Variants in CTNND2 observed in about 807,000 individuals in gnomAD.
The protein encoded by CTNND2 is catenin delta-2.
In CTNND2, 22 loss-of-function variants were observed where a neutral mutation model predicts 144.4. The observed-to-expected ratio is 0.15, with a 90% confidence interval of 0.11 to 0.22. The LOEUF is 0.22. Among genes scored for constraint, CTNND2 ranks in the 10% least tolerant of loss-of-function variants. The pLI, the probability that CTNND2 is intolerant of heterozygous loss-of-function variation, is 1.00. For synonymous variants in CTNND2, 751 were observed against 695.6 expected (o/e 1.08, Z -1.25); for missense variants, 1,353 against 1,618.8 (o/e 0.84, Z 2.82).
rs574908045 is a variant in CTNND2, at chr5:11,731,507, G to A, written c.174+629C>T. 1.4e-4 allele frequency among the ~76,000 whole-genome samples: 22 copies of A among 152,168 alleles called. No individual in the cohort carries two copies. The South Asian group carries it at 2.9e-3, about 20-fold the overall frequency. ...AGCAGTAACTAAAAGAATCTTGATC[G>A]TCCAGCTCTCTTTATTTACTACTTT... On this transcript the variant is annotated intron_variant, in intron 2 of 21. Transcript: ENST00000304623.
At chr5:11,677,565 G>A (rs1784232335) in intron 2 of CTNND2, among the ~76,000 whole-genome samples, 1 of 152,314 alleles carries the variant, frequency 6.6e-6, no homozygotes, top group East Asian at 1.9e-4. Flanking sequence ...CTAATGTGAA[G>A]TAGAGGAACC....
At chr5:11,120,736 G>A (rs1298072484) in intron 12 of CTNND2, among the ~76,000 whole-genome samples, 1 of 151,820 alleles carries the variant, frequency 6.6e-6, no homozygotes, top group East Asian at 1.9e-4. Context: ...ACTGTCTGCA[G>A]GCATGATGAG....
At chr5:11,644,977 G>C (rs916411610) in intron 2 of CTNND2, among the ~76,000 whole-genome samples, 1 of 151,910 alleles carries the variant, frequency 6.6e-6, no homozygotes, top group Non-Finnish European at 1.5e-5. Flanking sequence ...GTATTTTTTT[G>C]TAAGAGACGG....
intron 2 of CTNND2, among the ~76,000 whole-genome samples, chr5:11,695,007 A>T (rs1387682191): frequency 6.6e-6 from 1 of 152,074 alleles, no homozygotes; most frequent in Non-Finnish European, 1.5e-5. Context: ...TTACATACAA[A>T]CATGTCTTTC....
intron 11 of CTNND2, 47 bp downstream of exon 11, chr5:11,199,401 A>C: frequency 6.5e-7 from 1 of 1,536,190 alleles, no homozygotes; most frequent in Non-Finnish European, 9.0e-7. Context: ...TGGATAATGG[A>C]AAGTTTATCT....
At chr5:11,151,024 G>A (rs1291165764) in intron 12 of CTNND2, among the ~76,000 whole-genome samples, 1 of 152,160 alleles carries the variant, frequency 6.6e-6, no homozygotes, top group Admixed American at 6.5e-5. Flanking sequence ...TTCACTTAAG[G>A]TTCATCAACA....
chr5:11,365,249 C>A (rs1197811760), intron 7 of CTNND2, among the ~76,000 whole-genome samples: 8 of 152,148 alleles, frequency 5.3e-5, no homozygotes, highest in African/African-American at 1.9e-4. Context: ...AGCCCATAGC[C>A]CTTGCACCTT....
intron 2 of CTNND2, among the ~76,000 whole-genome samples, chr5:11,725,113 C>T (rs904130652): frequency 1.1e-4 from 16 of 152,244 alleles, no homozygotes; most frequent in Middle Eastern, 3.4e-3. Context: ...CTTGCACGTG[C>T]GTTTTATGAT....
intron 3 of CTNND2, among the ~76,000 whole-genome samples, chr5:11,464,929 G>A (rs1013682510): frequency 6.6e-6 from 1 of 152,174 alleles, no homozygotes; most frequent in Non-Finnish European, 1.5e-5. Context: ...CAACATGGAA[G>A]AGGAAATGCC....
At chr5:11,362,001 C>T (rs1434363594) in intron 8 of CTNND2, among the ~76,000 whole-genome samples, 4 of 152,152 alleles carry the variant, frequency 2.6e-5, no homozygotes, top group Non-Finnish European at 5.9e-5. Flanking sequence ...TGCTCGGGTG[C>T]CCTCAGCCAC....
chr5:11,034,107 A>G (rs1743799993), intron 16 of CTNND2, among the ~76,000 whole-genome samples: 1 of 152,228 alleles, frequency 6.6e-6, no homozygotes, highest in Non-Finnish European at 1.5e-5. Flanking sequence ...ATCCTTGCAA[A>G]ATCAGACTGA....
chr5:11,554,720 A>G (rs916344367), intron 3 of CTNND2, among the ~76,000 whole-genome samples: 1 of 152,070 alleles, frequency 6.6e-6, no homozygotes, highest in Non-Finnish European at 1.5e-5. Flanking sequence ...ATCAGAGTGA[A>G]AGTATGAGAC....
intron 19 of CTNND2, 145 bp downstream of exon 19, chr5:10,992,406 A>G (rs1042512045): frequency 1.7e-6 from 2 of 1,172,940 alleles, no homozygotes; most frequent in Non-Finnish European, 2.5e-6. Flanking sequence ...CCACCACAGT[A>G]CAAAGAACAG....
At chr5:11,768,257 C>T (rs970595891) in intron 1 of CTNND2, among the ~76,000 whole-genome samples, 2 of 146,574 alleles carry the variant, frequency 1.4e-5, no homozygotes, top group Admixed American at 6.7e-5. Context: ...GAGTCTCTCT[C>T]CCACTCAGGA....
intron 10 of CTNND2, among the ~76,000 whole-genome samples, chr5:11,225,745 T>A (rs1313798418): frequency 1.3e-5 from 2 of 152,126 alleles, no homozygotes; most frequent in African/African-American, 4.8e-5. Context: ...CCAGCCACAC[T>A]CTTTGTTACT....
At chr5:11,585,171 T>C (rs1778748808) in intron 2 of CTNND2, among the ~76,000 whole-genome samples, 1 of 152,098 alleles carries the variant, frequency 6.6e-6, no homozygotes, top group Admixed American at 6.5e-5. Flanking sequence ...ACTAAGAGTC[T>C]GTCTGATATC....
At chr5:11,031,422 GAGCTA>G (rs1743464162) in intron 16 of CTNND2, among the ~76,000 whole-genome samples, 1 of 152,160 alleles carries the variant, frequency 6.6e-6, no homozygotes, top group Non-Finnish European at 1.5e-5. Context: ...TAGCTACTGT[GAGCTA>G]AGCTGAGATT....
At chr5:11,526,037 G>A (rs934891068) in intron 3 of CTNND2, among the ~76,000 whole-genome samples, 1 of 152,088 alleles carries the variant, frequency 6.6e-6, no homozygotes, top group Non-Finnish European at 1.5e-5. Flanking sequence ...CTATGTAGCT[G>A]GAATTGCACG....
At chr5:11,205,214 C>T (rs1737919841) in intron 10 of CTNND2, among the ~76,000 whole-genome samples, 1 of 152,104 alleles carries the variant, frequency 6.6e-6, no homozygotes, top group Non-Finnish European at 1.5e-5. Flanking sequence ...TATATACACA[C>T]ATACACATAT....
Sources: allele counts gnomAD v4.1 joint callset (sites outside exome capture counted in the v4.1 genomes callset), GRCh38; gene constraint gnomAD v4.1.1; transcripts MANE v1.5; gene names NCBI Gene and HGNC (gene_info 2026-07-23, HGNC 2026-07-21).